Variants in TOR1AIP2 observed in about 807,000 individuals in gnomAD.
TOR1AIP2 encodes the protein torsin 1A interacting protein 2.
In TOR1AIP2, 20 loss-of-function variants were observed where a neutral mutation model predicts 32.6. That is an observed-to-expected ratio of 0.61 (90% confidence interval 0.43 to 0.89). The LOEUF is 0.89. Among genes scored for constraint, TOR1AIP2 ranks in the 40% least tolerant of loss-of-function variants. The pLI is 0.00. For synonymous variants in TOR1AIP2, 214 were observed against 210.8 expected, an observed-to-expected ratio of 1.02 and a Z score of -0.13; for missense variants, 456 against 553.8, an observed-to-expected ratio of 0.82 and a Z score of 1.77.
rs1171986747 is a variant in TOR1AIP2 at position 179,843,510 on chromosome 1, CA to C, written c.*2560del. 271 of 71,888 alleles carry C rather than the reference CA, an allele frequency of 3.8e-3. No homozygotes were observed. Among genetic ancestry groups the C allele is most frequent in the South Asian group, 5.6e-3 (11 of 1,950 alleles). The allele number at this position is 71,888 out of a possible 1,614,324, so 4.5% of individuals were successfully genotyped here. On this transcript the variant is annotated 3_prime_UTR_variant, in exon 7 of 7. Coordinates refer to ENST00000609928, the MANE Select transcript of TOR1AIP2 (RefSeq NM_001199260.2). ...TGGGTGACAGAGCAAGACCTTCTCT[CA>C]AAAAAAAAAAAAAAAAAAAAAGAAG...
intron 2 of TOR1AIP2, chr1:179,873,821 T>C (rs1039379313): frequency 1.3e-5 from 2 of 152,238 alleles, no homozygotes; most frequent in African/African-American, 4.8e-5. Flanking sequence ...CTATCATTAT[T>C]CATTTTATTG....
chr1:179,869,313 T>A (rs1445533851), intron 2 of TOR1AIP2: 3 of 150,648 alleles, frequency 2.0e-5, no homozygotes, highest in Non-Finnish European at 4.4e-5. Context: ...AAGTATTAAG[T>A]CCAAACCTGA....
At chr1:179,863,393 A>T in intron 3 of TOR1AIP2, 8 of 985,290 alleles carry the variant, frequency 8.1e-6, no homozygotes, top group Non-Finnish European at 9.6e-6. Context: ...TTTGGGAAAG[A>T]CTTGATTCCC....
In TOR1AIP2 at chr1:179,865,838, G is replaced by C. The variant is rs1322701752; in HGVS notation, c.-549C>G. ...TGATGCTCAGTTGGCTGAAGAGTCT[G>C]GGAATGCGTCACATACCTGTAAATG... is the stretch of plus-strand genomic sequence containing the variant. On this transcript the variant is annotated 5_prime_UTR_variant, in exon 3 of 7. Transcript: ENST00000609928. 6.6e-6 allele frequency: 1 copy of C among 152,648 alleles called. No individual in the cohort carries two copies. The highest frequency in any genetic ancestry group is 1.5e-5 in the Non-Finnish European group (1 of 68,056). The allele number at this position is 152,648 out of a possible 1,614,324, so 9.5% of individuals were successfully genotyped here.
At position 179,846,130 on chromosome 1, in the gene TOR1AIP2, G is replaced by A. The variant is rs200043675; in HGVS notation, c.1354C>T (p.His452Tyr). ...ACTGGCTGGACTGGCAGTACCAGGT[G>A]TGAAATTCGGCTCCACAGCCCACTC... ...KLSGLWSRISHLVLPVQPVSS... is the reference protein window; with the variant it reads ...KLSGLWSRISYLVLPVQPVSS... Residue 452 changes from histidine to tyrosine, a missense_variant, in exon 7 of 7, where the codon CAC becomes TAC. Transcript: ENST00000609928. The A allele has an allele frequency of 1.2e-6, 2 of 1,614,232 alleles. No individual in the cohort carries two copies. Among genetic ancestry groups the A allele is most frequent in the African/African-American group, 1.3e-5 (1 of 75,058 alleles).
intron 5 of TOR1AIP2, among the ~76,000 whole-genome samples, chr1:179,848,007 T>C (rs1695976841): frequency 7.3e-6 from 1 of 137,478 alleles, no homozygotes; most frequent in Non-Finnish European, 1.5e-5. Flanking sequence ...CACTCCAGCC[T>C]GGGGGACAGA....
chr1:179,876,845 C>T (rs1333141796), intron 2 of TOR1AIP2, among the ~76,000 whole-genome samples: 1 of 152,060 alleles, frequency 6.6e-6, no homozygotes, highest in Non-Finnish European at 1.5e-5. Flanking sequence ...GTAGAGAGTA[C>T]TATGAAATTT....
intron 2 of TOR1AIP2, chr1:179,876,320 GTTAA>G (rs1647303680): frequency 6.6e-6 from 1 of 152,092 alleles, no homozygotes; most frequent in African/African-American, 2.4e-5. Context: ...ACATTCTGAA[GTTAA>G]TTTATTTATA....
intron 5 of TOR1AIP2, among the ~76,000 whole-genome samples, chr1:179,850,344 G>T (rs539106894): frequency 6.6e-6 from 1 of 152,240 alleles, no homozygotes; most frequent in East Asian, 1.9e-4. Flanking sequence ...AAAAAACCAC[G>T]TATAGAGAAA....
intron 2 of TOR1AIP2, among the ~76,000 whole-genome samples, chr1:179,872,713 C>G (rs975736317): frequency 5.3e-5 from 8 of 152,156 alleles, no homozygotes; most frequent in Non-Finnish European, 1.2e-4. Context: ...CTCCCAACTC[C>G]TTTGACTTGT....
At chr1:179,854,384 C>G (rs927149104) in intron 3 of TOR1AIP2, among the ~76,000 whole-genome samples, 23 of 152,004 alleles carry the variant, frequency 1.5e-4, no homozygotes, top group Non-Finnish European at 2.8e-4. Context: ...ACCATTGATG[C>G]CAATTTTCTC....
At position 179,857,087 on chromosome 1, in the gene TOR1AIP2, G is replaced by C. The variant is rs528347146; in HGVS notation, c.-146-4276C>G. On this transcript the variant is annotated intron_variant, in intron 3 of 6. Transcript: ENST00000609928. ...CACTCCATAAGCATGCCCCAAAATAGATGCTTTTGATAGTATCTTCTACAA... is the reference window on the plus strand; with the variant it reads ...CACTCCATAAGCATGCCCCAAAATACATGCTTTTGATAGTATCTTCTACAA... Among the ~76,000 whole-genome samples the C allele has an allele frequency of 9.2e-5, 14 of 152,328 alleles. No individual in the cohort carries two copies. In the East Asian group the frequency reaches 2.3e-3, roughly 25 times the overall value.
chr1:179,873,379 T>C lies in TOR1AIP2; in HGVS notation c.-566+3860A>G, dbSNP rs528814197. On this transcript the variant is annotated intron_variant, in intron 2 of 6. Coordinates refer to ENST00000609928, the MANE Select transcript of TOR1AIP2 (RefSeq NM_001199260.2). ...CAGTTTAGAGTTTTACAATATTTTATCATGATTAGAAAGATAAAAAGATTA... is the reference window on the plus strand; with the variant it reads ...CAGTTTAGAGTTTTACAATATTTTACCATGATTAGAAAGATAAAAAGATTA... Among the ~76,000 whole-genome samples, 3 of 152,328 alleles carry C rather than the reference T, an allele frequency of 2.0e-5. 1 individual carries two copies. The South Asian group carries it at 6.2e-4, about 32-fold the overall frequency.
intron 5 of TOR1AIP2, among the ~76,000 whole-genome samples, chr1:179,850,504 G>A (rs774333781): frequency 3.3e-5 from 5 of 152,132 alleles, no homozygotes; most frequent in Non-Finnish European, 5.9e-5. Flanking sequence ...ATTGTAAGTC[G>A]AAATATTCTC....
intron 3 of TOR1AIP2, chr1:179,865,150 A>G (rs1291241712): frequency 2.5e-6 from 4 of 1,609,056 alleles, no homozygotes; most frequent in Non-Finnish European, 3.4e-6. Flanking sequence ...GTCCACAATC[A>G]GGGCAATGTG....
Position 179,845,492 on chromosome 1 carries a change from T to C in TOR1AIP2, c.*579A>G, listed in dbSNP as rs1157658186. On this transcript the variant is annotated 3_prime_UTR_variant, in exon 7 of 7. Transcript: ENST00000609928. ...TAAAAGCACAGTGCCTTACATGTAG[T>C]ATTTAGGTAGGTACTTAATGGTTTG... 1 of 152,314 alleles carries C rather than the reference T, an allele frequency of 6.6e-6. No individual in the cohort carries two copies. Among genetic ancestry groups the C allele is most frequent in the Non-Finnish European group, 1.5e-5 (1 of 68,088 alleles). The allele number at this position is 152,314 out of a possible 1,614,324, so 9.4% of individuals were successfully genotyped here. A position where few individuals can be genotyped will look rare whatever the true frequency, so the allele number is the denominator to read the frequency against.
intron 2 of TOR1AIP2, chr1:179,867,595 C>G (rs1169185179): frequency 6.6e-6 from 1 of 152,144 alleles, no homozygotes; most frequent in Non-Finnish European, 1.5e-5. Context: ...GTAAATGCAA[C>G]AAGATACTAT....
At chr1:179,860,424 G>A in intron 3 of TOR1AIP2, 1 of 969,220 alleles carries the variant, frequency 1.0e-6, no homozygotes, top group Non-Finnish European at 1.2e-6. Flanking sequence ...CAAGGCTGCA[G>A]TGAGCCATGA....
intron 3 of TOR1AIP2, chr1:179,863,700 A>ATT: frequency 3.6e-6 from 3 of 834,634 alleles, no homozygotes; most frequent in Non-Finnish European, 4.3e-6. Flanking sequence ...AAAAAAAAAG[A>ATT]GGATCGCAAG....
Sources: allele counts gnomAD v4.1 joint callset (sites outside exome capture counted in the v4.1 genomes callset), GRCh38; gene constraint gnomAD v4.1.1; transcripts MANE v1.5; gene names NCBI Gene and HGNC (gene_info 2026-07-23, HGNC 2026-07-21).